Variants in LAMA2 observed in about 807,000 individuals in gnomAD.
The protein encoded by LAMA2 is laminin subunit alpha-2.
Under a neutral mutation model 364.8 loss-of-function variants are expected in LAMA2, and 269 were observed. The ratio of observed to expected loss-of-function variants is 0.74; its 90% CI spans 0.67 to 0.82. The LOEUF (loss-of-function observed/expected upper bound fraction) is 0.82. LAMA2 is among the 40% of genes least tolerant of loss of function. The pLI, the probability that LAMA2 is intolerant of heterozygous loss-of-function variation, is 0.00. For missense variants in LAMA2, 3,807 were observed against 3,873.2 expected, an observed-to-expected ratio of 0.98 and a Z score of 0.45; for synonymous variants, 1,379 against 1,370.6, an observed-to-expected ratio of 1.01 and a Z score of -0.14.
At chr6:128,979,502 A>G (rs2114634979) in intron 1 of LAMA2, among the ~76,000 whole-genome samples, 1 of 152,348 alleles carries the variant, frequency 6.6e-6, no homozygotes, top group Non-Finnish European at 1.5e-5. Flanking sequence ...AGCATGAAAG[A>G]CAAAATGAAA....
At chr6:129,107,259 A>G (rs2114892220) in intron 4 of LAMA2, among the ~76,000 whole-genome samples, 1 of 152,310 alleles carries the variant, frequency 6.6e-6, no homozygotes, top group Admixed American at 6.5e-5. Context: ...AATAACGATC[A>G]AATTAGATTT....
At chr6:129,098,022 C>A in intron 3 of LAMA2, 151 bp from the exon 4 acceptor site, 1 of 920,552 alleles carries the variant, frequency 1.1e-6, no homozygotes, top group Non-Finnish European at 1.7e-6. Context: ...TAGATATGAA[C>A]CTGTAATAGT....
At chr6:129,104,288 G>T (rs1373139810) in intron 4 of LAMA2, among the ~76,000 whole-genome samples, 2 of 152,110 alleles carry the variant, frequency 1.3e-5, no homozygotes, top group African/African-American at 4.8e-5. Context: ...TTACAGACAT[G>T]AACCACCATG....
intron 1 of LAMA2, among the ~76,000 whole-genome samples, chr6:128,911,407 C>A (rs541241989): frequency 6.6e-6 from 1 of 152,134 alleles, no homozygotes; most frequent in Non-Finnish European, 1.5e-5. Flanking sequence ...TTTCCAGGTG[C>A]CGCCCATCAC....
intron 47 of LAMA2, 118 bp downstream of exon 47, chr6:129,454,406 C>T (rs777224662): frequency 5.2e-6 from 4 of 769,472 alleles, no homozygotes; most frequent in Non-Finnish European, 8.6e-6. Flanking sequence ...CATGTAAACA[C>T]ATGTGTATGA....
At chr6:129,349,487 C>CATATCCTT (rs1431981153) in intron 31 of LAMA2, 103 bp downstream of exon 31, 1 of 934,898 alleles carries the variant, frequency 1.1e-6, no homozygotes, top group Non-Finnish European at 1.7e-6. Flanking sequence ...TCAATATTTG[C>CATATCCTT]ATATCCTTTA....
At chr6:129,302,282 C>A (rs940901335) in intron 22 of LAMA2, among the ~76,000 whole-genome samples, 1 of 151,936 alleles carries the variant, frequency 6.6e-6, no homozygotes, top group Non-Finnish European at 1.5e-5. Context: ...TGTTGGGAAT[C>A]CTTTCATTTA....
At chr6:129,198,689 TAAAC>T (rs1158936325) in intron 12 of LAMA2, among the ~76,000 whole-genome samples, 24 of 151,840 alleles carry the variant, frequency 1.6e-4, no homozygotes, top group Admixed American at 2.6e-4. Flanking sequence ...ACTTCAAAAA[TAAAC>T]AAATAAGGAA....
intron 18 of LAMA2, among the ~76,000 whole-genome samples, chr6:129,286,196 C>T (rs1789104674): frequency 6.6e-6 from 1 of 151,962 alleles, no homozygotes; most frequent in Non-Finnish European, 1.5e-5. Flanking sequence ...ATTATATTCT[C>T]CCACATTGTT....
chr6:129,331,606 G>A (rs1295722693), intron 29 of LAMA2, among the ~76,000 whole-genome samples: 8 of 151,544 alleles, frequency 5.3e-5, no homozygotes, highest in African/African-American at 1.5e-4. Flanking sequence ...CCCCTCTCCC[G>A]CTTGATGACA....
intron 4 of LAMA2, among the ~76,000 whole-genome samples, chr6:129,114,789 CAT>C (rs1776366592): frequency 2.0e-5 from 3 of 151,936 alleles, no homozygotes; most frequent in Admixed American, 1.3e-4. Flanking sequence ...ATCACATAAA[CAT>C]ATATGTATGG....
intron 17 of LAMA2, among the ~76,000 whole-genome samples, chr6:129,275,627 C>A (rs1475159854): frequency 1.3e-5 from 2 of 150,418 alleles, no homozygotes; most frequent in African/African-American, 4.9e-5. Flanking sequence ...ATATAAGGGA[C>A]TAGAGCAGGA....
chr6:129,330,598 G>GTTTTTTTTT (rs1554273762), intron 29 of LAMA2, among the ~76,000 whole-genome samples: 3 of 88,676 alleles, frequency 3.4e-5, no homozygotes, highest in African/African-American at 7.8e-5. Context: ...TTTGGTTTTT[G>GTTTTTTTTT]TTTTTTTTTT....
rs553260965 is a variant in LAMA2, at chr6:128,911,358, C to G, written c.112+28001C>G. Among the ~76,000 whole-genome samples the G allele has an allele frequency of 4.6e-5, 7 of 152,212 alleles. No individual in the cohort carries two copies. The South Asian group carries it at 6.2e-4, about 14-fold the overall frequency. ...CTCGTGGTTCGCCGTTTTTTAAGCC[C>G]GTCGGAAAGGCGCAGTATTCGGGTG... On this transcript the variant is annotated intron_variant, in intron 1 of 64. Coordinates refer to ENST00000421865, the MANE Select transcript of LAMA2 (RefSeq NM_000426.4).
rs995283749 is a variant in LAMA2 at position 128,921,416 on chromosome 6, T to C, written c.112+38059T>C. Among the ~76,000 whole-genome samples the C allele has an allele frequency of 2.6e-5, 4 of 152,116 alleles. No individual in the cohort carries two copies. The South Asian group carries it at 6.2e-4, about 24-fold the overall frequency. ...CTATGAATGTGACCTTATTTGCAAA[T>C]AGGGTCTTTGCAAATATAATTAAGT... On this transcript the variant is annotated intron_variant, in intron 1 of 64. Transcript: ENST00000421865.
chr6:129,056,717 A>C (rs1184311269), intron 2 of LAMA2, among the ~76,000 whole-genome samples: 1 of 152,144 alleles, frequency 6.6e-6, no homozygotes, highest in Non-Finnish European at 1.5e-5. Flanking sequence ...TGAAAATGCC[A>C]AATTTAGTGA....
At chr6:129,257,998 A>G (rs897038089) in intron 14 of LAMA2, among the ~76,000 whole-genome samples, 1 of 151,970 alleles carries the variant, frequency 6.6e-6, no homozygotes, top group Non-Finnish European at 1.5e-5. Context: ...ACTTTTGTAT[A>G]CATTTATCTG....
intron 1 of LAMA2, among the ~76,000 whole-genome samples, chr6:128,922,670 C>G (rs1288886619): frequency 6.6e-6 from 1 of 152,002 alleles, no homozygotes; most frequent in Non-Finnish European, 1.5e-5. Flanking sequence ...CCTGTTCACT[C>G]TGCTGGTAGT....
intron 40 of LAMA2, among the ~76,000 whole-genome samples, chr6:129,413,853 T>A (rs1460620541): frequency 6.6e-6 from 1 of 152,096 alleles, no homozygotes; most frequent in African/African-American, 2.4e-5. Context: ...CTGCTCAAGA[T>A]GTTTAAAAAA....
Sources: allele counts gnomAD v4.1 joint callset (sites outside exome capture counted in the v4.1 genomes callset), GRCh38; gene constraint gnomAD v4.1.1; transcripts MANE v1.5; gene names NCBI Gene and HGNC (gene_info 2026-07-23, HGNC 2026-07-21).